Variants in NPC2 observed in about 807,000 individuals in gnomAD.
NPC2 encodes Niemann-Pick disease type C2 protein.
A neutral mutation model predicts 17.0 loss-of-function variants in NPC2; 14 were observed. The observed-to-expected ratio is 0.82, with a 90% confidence interval of 0.54 to 1.29. The LOEUF is 1.29. Among genes scored for constraint, NPC2 ranks in the 50% most tolerant of loss-of-function variants. The probability of loss-of-function intolerance (pLI) is 0.00; values close to 1 mark genes in which losing one functional copy is unlikely to be tolerated. For synonymous variants in NPC2, 75 were observed against 69.3 expected, an observed-to-expected ratio of 1.08 and a Z score of -0.41; for missense variants, 167 against 183.4, an observed-to-expected ratio of 0.91 and a Z score of 0.52.
intron 1 of NPC2, among the ~76,000 whole-genome samples, chr14:74,488,674 A>C (rs988170788): frequency 6.6e-6 from 1 of 152,190 alleles, no homozygotes; most frequent in African/African-American, 2.4e-5. Flanking sequence ...AGATTGCGCC[A>C]CTGCACTCCA....
Position 74,491,945 on chromosome 14 carries a change from G to C in NPC2, c.82+1248C>G, listed in dbSNP as rs139245803. Among the ~76,000 whole-genome samples the C allele has an allele frequency of 2.9e-3, 446 of 152,306 alleles. 1 individual carries two copies. Among genetic ancestry groups the C allele is most frequent in the African/African-American group, 0.01 (417 of 41,550 alleles). On this transcript the variant is annotated intron_variant, in intron 1 of 4. Transcript: ENST00000555619. Reference sequence around the variant, plus strand: ...CGAGTTTAGGGGCCACGCCGCCTCTGGCTGTAAGAGTCTGAACCTCCCCAA... The same window carrying C: ...CGAGTTTAGGGGCCACGCCGCCTCTCGCTGTAAGAGTCTGAACCTCCCCAA...
chr14:74,485,294 C>CAAAAAAAAAAAAAAA lies in NPC2; in HGVS notation c.191-722_191-708dup, dbSNP rs61395005. On this transcript the variant is annotated intron_variant, in intron 2 of 4. Transcript: ENST00000555619. ...TGGGTGACAGAGCGAGACTCTGTCA[C>CAAAAAAAAAAAAAAA]AAAAAAAAAAAAAAAAAAAAAAAAA... 9.4e-4 allele frequency among the ~76,000 whole-genome samples: 67 copies of CAAAAAAAAAAAAAAA among 71,330 alleles called. 2 individuals carry two copies. The highest frequency in any genetic ancestry group is 4.7e-3 in the African/African-American group (61 of 12,904). 46.8% of individuals were successfully genotyped at this position (71,330 alleles called of 152,430 possible). A position where few individuals can be genotyped will look rare whatever the true frequency, so the allele number is the denominator to read the frequency against.
chr14:74,493,093 C>T lies in NPC2; in HGVS notation c.82+100G>A, dbSNP rs1475469095. The T allele has an allele frequency of 1.1e-5, 16 of 1,462,016 alleles. No homozygotes were observed. Among genetic ancestry groups the T allele is most frequent in the African/African-American group, 1.4e-5 (1 of 71,118 alleles). 90.6% of individuals were successfully genotyped at this position (1,462,016 alleles called of 1,614,324 possible). On this transcript the variant is annotated intron_variant, in intron 1 of 4. Transcript: ENST00000555619. This position sits in a 1 kb window ranked among gnomAD's most constrained non-coding sequence, Gnocchi z 4.1. ...AGGGTCCAAGGCTCAGCCTGGCCGC[C>T]CGAGGGATCCGCCCAGCCCAGCCCC...
Position 74,483,002 on chromosome 14 carries a change from G to A in NPC2, c.363+1413C>T, listed in dbSNP as rs74063885. 2,530 of 820,310 alleles carry A rather than the reference G, an allele frequency of 3.1e-3. 52 individuals are homozygous for A. The African/African-American group carries it at 0.039, about 13-fold the overall frequency. 50.8% of individuals were successfully genotyped at this position (820,310 alleles called of 1,614,324 possible). A position where few individuals can be genotyped will look rare whatever the true frequency, so the allele number is the denominator to read the frequency against. On this transcript the variant is annotated intron_variant, in intron 3 of 4. Transcript: ENST00000555619. ...GGTGAGCTAGTGGTCCTTGGTTCAG[G>A]AGGTGTTGGGCAGTCTGCTCTGATG... is the stretch of plus-strand genomic sequence containing the variant.
intron 1 of NPC2, among the ~76,000 whole-genome samples, chr14:74,491,157 C>T (rs527940055): frequency 6.6e-6 from 1 of 152,272 alleles, no homozygotes; most frequent in African/African-American, 2.4e-5. Flanking sequence ...ACTGTAACCT[C>T]CACCTCCCGG....
chr14:74,483,476 C>A (rs879117246), intron 3 of NPC2: 1 of 1,563,104 alleles, frequency 6.4e-7, no homozygotes, highest in Non-Finnish European at 8.8e-7. Context: ...GGAAAAGAAA[C>A]AGCCTAAAAA....
intron 1 of NPC2, among the ~76,000 whole-genome samples, chr14:74,489,773 G>A (rs1331624831): frequency 2.0e-5 from 3 of 152,198 alleles, no homozygotes; most frequent in Non-Finnish European, 4.4e-5. Flanking sequence ...AGCCATCATT[G>A]CTGAGAGGCA....
At position 74,480,948 on chromosome 14, in the gene NPC2, AAG is replaced by A. The variant is rs1160696672; in HGVS notation, c.364-171_364-170del. Among the ~76,000 whole-genome samples the A allele has an allele frequency of 4.6e-5, 7 of 152,356 alleles. No individual in the cohort carries two copies. In the East Asian group the frequency reaches 1.3e-3, roughly 29 times the overall value. On this transcript the variant is annotated intron_variant, in intron 3 of 4. Coordinates refer to ENST00000555619, the MANE Select transcript of NPC2 (RefSeq NM_006432.5). ...GCATGTGGGCACAGCTTACAGCCTT[AAG>A]AGAGTGAACAAAGTTATACTTGTGA...
At position 74,493,200 on chromosome 14, in the gene NPC2, C is replaced by T; in HGVS notation, c.75G>A (p.Lys25=). 1 of 1,610,476 alleles carries T rather than the reference C, an allele frequency of 6.2e-7. No homozygotes were observed. The highest frequency in any genetic ancestry group is 8.5e-7 in the Non-Finnish European group (1 of 1,178,942). Residue 25 remains lysine (K), a synonymous_variant, in exon 1 of 5, where the codon AAG becomes AAA. Transcript: ENST00000555619. The surrounding 1 kb of genome is among the most constrained non-coding windows in gnomAD (Gnocchi z 4.1). ...GGCGGGCCTGGGGCTCACCGCAGTCCTTGAACTGCACCGGTTCGGCCTGGG... is the reference window on the plus strand; with the variant it reads ...GGCGGGCCTGGGGCTCACCGCAGTCTTTGAACTGCACCGGTTCGGCCTGGG... ...TAAQAEPVQF[K]DCGSVDGVIK...
At chr14:74,481,112 T>C (rs1242688441) in intron 3 of NPC2, among the ~76,000 whole-genome samples, 2 of 152,264 alleles carry the variant, frequency 1.3e-5, no homozygotes, top group African/African-American at 4.8e-5. Flanking sequence ...AAATTTCATG[T>C]TGACATGTGA....
chr14:74,481,242 C>G (rs2086653005), intron 3 of NPC2, among the ~76,000 whole-genome samples: 1 of 152,220 alleles, frequency 6.6e-6, no homozygotes, highest in South Asian at 2.1e-4. Flanking sequence ...CACATGAGAT[C>G]TGGCTGTTTA....
At chr14:74,483,308 G>A (rs1356068771) in intron 3 of NPC2, 4 of 1,246,406 alleles carry the variant, frequency 3.2e-6, no homozygotes, top group Non-Finnish European at 4.7e-6. Flanking sequence ...CAATAAATGT[G>A]ACCTGGAAGA....
Position 74,480,122 on chromosome 14 carries a change from G to A in NPC2, c.*152C>T, listed in dbSNP as rs905499507. The A allele has an allele frequency of 8.3e-6, 13 of 1,565,418 alleles. No homozygotes were observed. Among genetic ancestry groups the A allele is most frequent in the East Asian group, 4.8e-5 (2 of 42,070 alleles). Reference sequence around the variant, plus strand: ...ACAACCACTGAGAACCAGCCACCCGGAGCTCAGTTTCTGCTACAGAGCACC... The same window carrying A: ...ACAACCACTGAGAACCAGCCACCCGAAGCTCAGTTTCTGCTACAGAGCACC... On this transcript the variant is annotated 3_prime_UTR_variant, in exon 5 of 5. Transcript: ENST00000555619.
chr14:74,480,229 T>C lies in NPC2; in HGVS notation c.*45A>G, dbSNP rs2086641069. 6.2e-7 allele frequency: 1 copy of C among 1,613,862 alleles called. No individual in the cohort carries two copies. The highest frequency in any genetic ancestry group is 8.5e-7 in the Non-Finnish European group (1 of 1,179,980). ...GCAGAGCTGGAGGTGCTGTCAAGAG[T>C]CTCAGCAGACTCATTGGCCAGATGC... On this transcript the variant is annotated 3_prime_UTR_variant, in exon 5 of 5. Coordinates refer to ENST00000555619, the MANE Select transcript of NPC2 (RefSeq NM_006432.5).
At position 74,484,449 on chromosome 14, in the gene NPC2, A is replaced by C; in HGVS notation, c.329T>G (p.Leu110Arg). ...PIQKDKTYSY[L>R]NKLPVKSEYP... ...TTCGCTTTTCACTGGTAGTTTATTC[A>C]GGTAGCTATAGGTCTTGTCTTTTTG... The change falls in exon 3 of 5, where the codon CTG becomes CGG. Residue 110 changes from leucine (L) to arginine (R), a missense_variant. Physicochemically the swap from Leu to Arg is moderately radical, Grantham distance 102. Coordinates refer to ENST00000555619, the MANE Select transcript of NPC2 (RefSeq NM_006432.5). The C allele has an allele frequency of 6.2e-7, 1 of 1,614,106 alleles. No individual in the cohort carries two copies. The highest frequency in any genetic ancestry group is 8.5e-7 in the Non-Finnish European group (1 of 1,180,026).
At chr14:74,488,667 T>C (rs2139672361) in intron 1 of NPC2, among the ~76,000 whole-genome samples, 1 of 152,042 alleles carries the variant, frequency 6.6e-6, no homozygotes. Flanking sequence ...TGAGCCGAGA[T>C]TGCGCCACTG....
chr14:74,489,851 C>CAAGA (rs2086753060), intron 1 of NPC2, among the ~76,000 whole-genome samples: 1 of 152,210 alleles, frequency 6.6e-6, no homozygotes, highest in Non-Finnish European at 1.5e-5. Context: ...AGCCTCAAGG[C>CAAGA]AAGATACTTT....
intron 1 of NPC2, among the ~76,000 whole-genome samples, chr14:74,489,148 T>C (rs1431525045): frequency 2.0e-5 from 3 of 152,218 alleles, no homozygotes; most frequent in Non-Finnish European, 1.5e-5. Context: ...TAACTCCAAA[T>C]AGCACTGACT....
chr14:74,490,907 G>C (rs754536059), intron 1 of NPC2, among the ~76,000 whole-genome samples: 1 of 152,096 alleles, frequency 6.6e-6, no homozygotes, highest in Non-Finnish European at 1.5e-5. Context: ...CAAATAAGTA[G>C]AATAATTTCT....
Sources: allele counts gnomAD v4.1 joint callset (sites outside exome capture counted in the v4.1 genomes callset), GRCh38; gene constraint gnomAD v4.1.1; non-coding constraint Gnocchi (gnomAD v3.1); transcripts MANE v1.5; gene names NCBI Gene and HGNC (gene_info 2026-07-23, HGNC 2026-07-21).